Variants in ZNF280B observed in about 807,000 individuals in gnomAD.
The protein encoded by ZNF280B is suppressor of hairy wing homolog 2.
In ZNF280B, 16 loss-of-function variants were observed where a neutral mutation model predicts 38.0. The ratio of observed to expected loss-of-function variants is 0.42; its 90% CI spans 0.28 to 0.64. The LOEUF is 0.64. Among genes scored for constraint, ZNF280B ranks in the 30% least tolerant of loss-of-function variants. The pLI, the probability that ZNF280B is intolerant of heterozygous loss-of-function variation, is 0.21. For missense variants in ZNF280B, 581 were observed against 639.6 expected, an observed-to-expected ratio of 0.91 and a Z score of 0.99; for synonymous variants, 253 against 230.6, an observed-to-expected ratio of 1.10 and a Z score of -0.88.
At position 22,489,123 on chromosome 22, in the gene ZNF280B, C is replaced by T. The variant is rs558630494; in HGVS notation, c.276G>A (p.Glu92=). 8.7e-6 allele frequency: 14 copies of T among 1,613,866 alleles called. No individual in the cohort carries two copies. In the Admixed American group the frequency reaches 2.2e-4, roughly 25 times the overall value. ...CGGTCACTGCTTCTGATGTAACGGT[C>T]TCATGACTTTTAGGCTGCAATTTGC... The part of the protein sequence containing the change: ...TARKLQPKSH[E]TVTSEAVTVL... Residue 92 remains glutamate, a synonymous_variant, in exon 4 of 4, where the codon GAG becomes GAA. Coordinates refer to ENST00000626650, the MANE Select transcript of ZNF280B (RefSeq NM_080764.4).
chr22:22,487,460 A>AG lies in ZNF280B; in HGVS notation c.*306_*307insC, dbSNP rs2061516352. ...CTGTCTCTAAAGTAAAAAAAAAAAAAAAAAAAAAAAAAAAAATTAAAATTA... is the reference window on the plus strand; with the variant it reads ...CTGTCTCTAAAGTAAAAAAAAAAAAAGAAAAAAAAAAAAAAAATTAAAATTA... On this transcript the variant is annotated 3_prime_UTR_variant, in exon 4 of 4. Transcript: ENST00000626650. The AG allele has an allele frequency of 8.7e-6, 1 of 114,794 alleles. No individual in the cohort carries two copies. Among genetic ancestry groups the AG allele is most frequent in the Non-Finnish European group, 1.7e-5 (1 of 58,584 alleles). 7.1% of individuals were successfully genotyped at this position (114,794 alleles called of 1,614,324 possible).
Position 22,487,717 on chromosome 22 carries a change from GTTT to G in ZNF280B, c.*47_*49del, listed in dbSNP as rs745425295. ...TGGTTTGTATTTTTTGTTTTATGAG[GTTT>G]TTTAATTTGGTTTGAAATACTTGCT... On this transcript the variant is annotated 3_prime_UTR_variant, in exon 4 of 4. Transcript: ENST00000626650. The G allele has an allele frequency of 6.7e-7, 1 of 1,490,984 alleles. No individual in the cohort carries two copies. Among genetic ancestry groups the G allele is most frequent in the Non-Finnish European group, 9.0e-7 (1 of 1,115,186 alleles). 92.4% of individuals were successfully genotyped at this position (1,490,984 alleles called of 1,614,324 possible).
chr22:22,495,107 G>C (rs1293450046), intron 2 of ZNF280B, among the ~76,000 whole-genome samples: 3 of 151,792 alleles, frequency 2.0e-5, no homozygotes, highest in Non-Finnish European at 4.4e-5. Context: ...CCAAACTATT[G>C]GTCCTTATGA....
At chr22:22,491,176 C>T (rs993261975) in intron 3 of ZNF280B, among the ~76,000 whole-genome samples, 6 of 151,056 alleles carry the variant, frequency 4.0e-5, no homozygotes, top group African/African-American at 1.5e-4. Flanking sequence ...CAATAAATAT[C>T]GACTCTCCTT....
Position 22,488,391 on chromosome 22 carries a change from G to A in ZNF280B, c.1008C>T (p.Asn336=), listed in dbSNP as rs1264268071. 5.0e-6 allele frequency: 8 copies of A among 1,613,750 alleles called. No homozygotes were observed. The East Asian group carries it at 6.7e-5, about 14-fold the overall frequency. ...KHHLEFEKQR[N]DSWENHTTCQ... ...AGGTGGTGTGGTTTTCCCAGCTGTC[G>A]TTCCTCTGCTTCTCAAATTCCAAAT... The change falls in exon 4 of 4, where the codon AAC becomes AAT. Residue 336 remains asparagine (N), a synonymous_variant. Transcript: ENST00000626650.
chr22:22,492,543 A>G (rs1014636448), intron 3 of ZNF280B, among the ~76,000 whole-genome samples: 1 of 151,974 alleles, frequency 6.6e-6, no homozygotes, highest in Non-Finnish European at 1.5e-5. Flanking sequence ...CCACATTTCC[A>G]GTAACTACCT....
chr22:22,491,197 T>C (rs1405506321), intron 3 of ZNF280B, among the ~76,000 whole-genome samples: 3 of 151,898 alleles, frequency 2.0e-5, no homozygotes, highest in African/African-American at 7.2e-5. Flanking sequence ...CATAAGATCC[T>C]TTATTTTTAA....
At position 22,485,249 on chromosome 22, in the gene ZNF280B, A is replaced by C. The variant is rs930768018; in HGVS notation, c.*2518T>G. Reference sequence around the variant, plus strand: ...ACAGTGTTGATAATACCAACCAATCACTCAACATACAACTAAAACACTTCA... The same window carrying C: ...ACAGTGTTGATAATACCAACCAATCCCTCAACATACAACTAAAACACTTCA... On this transcript the variant is annotated 3_prime_UTR_variant, in exon 4 of 4. Transcript: ENST00000626650. 6.6e-6 allele frequency: 1 copy of C among 151,926 alleles called. No individual in the cohort carries two copies. Among genetic ancestry groups the C allele is most frequent in the Non-Finnish European group, 1.5e-5 (1 of 68,020 alleles). 9.4% of individuals were successfully genotyped at this position (151,926 alleles called of 1,614,324 possible).
intron 2 of ZNF280B, among the ~76,000 whole-genome samples, chr22:22,495,792 ATTTT>A (rs796601752): frequency 6.9e-6 from 1 of 144,520 alleles, no homozygotes; most frequent in African/African-American, 2.5e-5. Context: ...CTCAGGCTAG[ATTTT>A]TTTTTTTTTT....
chr22:22,491,935 G>A (rs1569176979), intron 3 of ZNF280B, among the ~76,000 whole-genome samples: 1 of 151,942 alleles, frequency 6.6e-6, no homozygotes, highest in Admixed American at 6.6e-5. Context: ...AAGATTCACT[G>A]TATCCCCATG....
At chr22:22,495,792 ATTT>A (rs796601752) in intron 2 of ZNF280B, among the ~76,000 whole-genome samples, 1 of 144,520 alleles carries the variant, frequency 6.9e-6, no homozygotes, top group African/African-American at 2.5e-5. Flanking sequence ...CTCAGGCTAG[ATTT>A]TTTTTTTTTT....
At chr22:22,507,343 C>T (rs2061959173) in intron 2 of ZNF280B, among the ~76,000 whole-genome samples, 3 of 151,780 alleles carry the variant, frequency 2.0e-5, no homozygotes, top group Non-Finnish European at 1.5e-5. Flanking sequence ...ATTTGTTACA[C>T]GGCAATAGAT....
chr22:22,494,798 G>A (rs1219522680), intron 2 of ZNF280B, among the ~76,000 whole-genome samples: 3 of 151,852 alleles, frequency 2.0e-5, no homozygotes, highest in African/African-American at 4.8e-5. Context: ...ATGCAGTGGC[G>A]CAATCTCGGC....
intron 2 of ZNF280B, among the ~76,000 whole-genome samples, chr22:22,500,642 G>A (rs914309255): frequency 6.6e-6 from 1 of 151,730 alleles, no homozygotes; most frequent in Non-Finnish European, 1.5e-5. Context: ...GATCATCTGA[G>A]GTCAGGAGTT....
chr22:22,508,404 G>A (rs1569189248), intron 1 of ZNF280B, among the ~76,000 whole-genome samples: 1 of 151,886 alleles, frequency 6.6e-6, no homozygotes. Context: ...CCGGGGGTGG[G>A]GGCGTCTGCG....
intron 2 of ZNF280B, among the ~76,000 whole-genome samples, chr22:22,503,826 T>A (rs932307552): frequency 1.3e-5 from 2 of 151,950 alleles, no homozygotes; most frequent in Non-Finnish European, 2.9e-5. Context: ...ATAAGGAATC[T>A]AGAGGTTGTG....
At chr22:22,504,397 G>A (rs917286131) in intron 2 of ZNF280B, among the ~76,000 whole-genome samples, 26 of 148,438 alleles carry the variant, frequency 1.8e-4, no homozygotes, top group Non-Finnish European at 3.4e-4. Flanking sequence ...ACTGCACTCC[G>A]GCCTGGACAA....
intron 2 of ZNF280B, among the ~76,000 whole-genome samples, chr22:22,505,399 C>G (rs891930866): frequency 1.3e-5 from 2 of 151,664 alleles, no homozygotes; most frequent in Non-Finnish European, 2.9e-5. Flanking sequence ...AACCCCGTCT[C>G]TACTAAAAAT....
At chr22:22,505,846 G>A (rs897684412) in intron 2 of ZNF280B, among the ~76,000 whole-genome samples, 27 of 151,932 alleles carry the variant, frequency 1.8e-4, no homozygotes, top group African/African-American at 3.1e-4. Context: ...GGAAGGCTCT[G>A]AGTGAGAAGT....
Sources: gnomAD v4.1 joint callset for allele counts (sites outside exome capture counted in the v4.1 genomes callset) on GRCh38, gnomAD v4.1.1 for gene constraint, MANE v1.5 for transcripts, NCBI Gene and HGNC (gene_info 2026-07-23, HGNC 2026-07-21) for gene names.